PTPRD: variants seen among roughly 807,000 people sequenced by gnomAD.
PTPRD encodes protein tyrosine phosphatase receptor type D.
A neutral mutation model predicts 214.5 loss-of-function variants in PTPRD; 34 were observed. The ratio of observed to expected loss-of-function variants is 0.16; its 90% CI spans 0.12 to 0.21. The LOEUF is 0.21. Ranked by LOEUF, PTPRD falls within the 10% of genes least tolerant of loss-of-function variation. The pLI, the probability that PTPRD is intolerant of heterozygous loss-of-function variation, is 1.00. For synonymous variants in PTPRD, 1,128 were observed against 845.7 expected, an observed-to-expected ratio of 1.33 and a Z score of -5.79; for missense variants, 2,545 against 2,398.7, an observed-to-expected ratio of 1.06 and a Z score of -1.27.
At position 8,460,554 on chromosome 9, in the gene PTPRD, G is replaced by A. The variant is rs1320836381; in HGVS notation, c.3732C>T (p.Ser1244=). The A allele has an allele frequency of 1.9e-6, 3 of 1,612,358 alleles. No homozygotes were observed. Among genetic ancestry groups the A allele is most frequent in the Non-Finnish European group, 2.5e-6 (3 of 1,179,334 alleles). Residue 1244 remains serine, a synonymous_variant, in exon 33 of 46, where the codon AGC becomes AGT. Coordinates refer to ENST00000381196, the MANE Select transcript of PTPRD (RefSeq NM_002839.4). ...EHAESKMYAT[S]PYSDPVVSMD... ...TTGACACCACGGGGTCGGAGTAAGG[G>A]CTGGTTGCATACATCTTCTGAGGAA...
At chr9:9,448,120 G>A (rs2091048736) in intron 8 of PTPRD, among the ~76,000 whole-genome samples, 1 of 152,060 alleles carries the variant, frequency 6.6e-6, no homozygotes, top group African/African-American at 2.4e-5. Flanking sequence ...CCAGGTAGGA[G>A]CCCCATGCAT....
At chr9:10,222,620 G>A (rs10958956) in intron 3 of PTPRD, among the ~76,000 whole-genome samples, 12,890 of 152,028 alleles carry the variant, frequency 0.085, 703 homozygotes, top group Non-Finnish European at 0.12. Flanking sequence ...TCCTTAACTT[G>A]TTCTGGAGTA....
intron 3 of PTPRD, among the ~76,000 whole-genome samples, chr9:10,330,363 A>T (rs577078705): frequency 6.6e-6 from 1 of 151,950 alleles, no homozygotes; most frequent in South Asian, 2.1e-4. Flanking sequence ...GCAAGTTGCA[A>T]ATTCTCACGG....
chr9:8,971,377 T>A (rs562784738), intron 11 of PTPRD, among the ~76,000 whole-genome samples: 1 of 151,910 alleles, frequency 6.6e-6, no homozygotes, highest in African/African-American at 2.4e-5. Flanking sequence ...AAAGTCAATA[T>A]AATACAGTGG....
chr9:10,467,936 C>G (rs2099005317), intron 2 of PTPRD, among the ~76,000 whole-genome samples: 1 of 151,972 alleles, frequency 6.6e-6, no homozygotes, highest in South Asian at 2.1e-4. Context: ...AAACACAAAT[C>G]AAAACCACAA....
intron 12 of PTPRD, among the ~76,000 whole-genome samples, chr9:8,675,776 C>A (rs1425551235): frequency 6.6e-6 from 1 of 152,126 alleles, no homozygotes; most frequent in Non-Finnish European, 1.5e-5. Context: ...CTGATTCAGT[C>A]TCTTGCCTTC....
intron 9 of PTPRD, among the ~76,000 whole-genome samples, chr9:9,258,623 T>G (rs955656521): frequency 2.0e-5 from 3 of 151,380 alleles, no homozygotes; most frequent in Non-Finnish European, 4.4e-5. Flanking sequence ...ATTTGGGGAG[T>G]TTTTCTAACT....
At chr9:8,917,135 C>CTTCT (rs2098792102) in intron 11 of PTPRD, among the ~76,000 whole-genome samples, 7 of 114,308 alleles carry the variant, frequency 6.1e-5, no homozygotes, top group East Asian at 2.7e-4. Context: ...TCTTCTTCTT[C>CTTCT]TTTTTTTTTT....
chr9:8,664,330 A>G (rs548551125), intron 12 of PTPRD, among the ~76,000 whole-genome samples: 96 of 152,212 alleles, frequency 6.3e-4, no homozygotes, highest in Non-Finnish European at 8.1e-4. Context: ...AACCGTGACC[A>G]TCAAGGTTCA....
intron 9 of PTPRD, among the ~76,000 whole-genome samples, chr9:9,185,901 C>T (rs1481984439): frequency 6.7e-6 from 1 of 150,134 alleles, no homozygotes; most frequent in Non-Finnish European, 1.5e-5. Context: ...CAGACCACCA[C>T]ACAAGTGCCT....
At chr9:9,969,410 G>A (rs2094937358) in intron 4 of PTPRD, among the ~76,000 whole-genome samples, 1 of 152,106 alleles carries the variant, frequency 6.6e-6, no homozygotes, top group Non-Finnish European at 1.5e-5. Flanking sequence ...TAATCAAGGA[G>A]ATAGAGGGTA....
chr9:10,325,509 G>A (rs983026877), intron 3 of PTPRD, among the ~76,000 whole-genome samples: 2 of 151,700 alleles, frequency 1.3e-5, no homozygotes, highest in South Asian at 2.1e-4. Context: ...TTAATTACAA[G>A]GAAAGAGAAA....
At chr9:9,253,527 A>G (rs926845825) in intron 9 of PTPRD, among the ~76,000 whole-genome samples, 6 of 151,876 alleles carry the variant, frequency 4.0e-5, no homozygotes, top group African/African-American at 1.5e-4. Context: ...GTATACACAT[A>G]TCTCCCTGTT....
At chr9:8,536,196 A>AATT (rs1242112776) in intron 14 of PTPRD, among the ~76,000 whole-genome samples, 1 of 151,870 alleles carries the variant, frequency 6.6e-6, no homozygotes, top group East Asian at 1.9e-4. Context: ...CCTCTATGCA[A>AATT]ATTGCTATTC....
chr9:8,741,510 C>T (rs952969044), intron 11 of PTPRD, among the ~76,000 whole-genome samples: 1 of 150,268 alleles, frequency 6.7e-6, no homozygotes, highest in Non-Finnish European at 1.5e-5. Flanking sequence ...ATATGCAATC[C>T]AGCCACTTTC....
At chr9:9,347,575 T>C (rs2049345513) in intron 9 of PTPRD, among the ~76,000 whole-genome samples, 1 of 152,100 alleles carries the variant, frequency 6.6e-6, no homozygotes, top group African/African-American at 2.4e-5. Flanking sequence ...CTTTAGCTAT[T>C]ACACAGAGTG....
intron 10 of PTPRD, among the ~76,000 whole-genome samples, chr9:9,127,518 A>G (rs2099835891): frequency 6.6e-6 from 1 of 152,216 alleles, no homozygotes; most frequent in African/African-American, 2.4e-5. Context: ...AATGTTTGGT[A>G]AACAAAACTG....
intron 3 of PTPRD, among the ~76,000 whole-genome samples, chr9:10,143,746 C>T (rs1408622566): frequency 6.6e-6 from 1 of 152,030 alleles, no homozygotes; most frequent in Non-Finnish European, 1.5e-5. Flanking sequence ...AAATTATGTC[C>T]TTTGCAGCAA....
At chr9:9,059,597 G>A (rs150442193) in intron 10 of PTPRD, among the ~76,000 whole-genome samples, 3 of 152,216 alleles carry the variant, frequency 2.0e-5, no homozygotes, top group Admixed American at 6.5e-5. Flanking sequence ...GGAAGAAAAT[G>A]TATGTCCTTA....
Sources: allele counts gnomAD v4.1 joint callset (sites outside exome capture counted in the v4.1 genomes callset), GRCh38; gene constraint gnomAD v4.1.1; transcripts MANE v1.5; gene names NCBI Gene and HGNC (gene_info 2026-07-23, HGNC 2026-07-21).